Variants in GNPTAB observed in about 807,000 individuals in gnomAD.
GNPTAB encodes the protein N-acetylglucosamine-1-phosphate transferase subunits alpha and beta.
In GNPTAB, 92 loss-of-function variants were observed where a neutral mutation model predicts 136.6. The observed-to-expected ratio is 0.67, with a 90% CI of 0.57 to 0.80. GNPTAB has a LOEUF of 0.80. Ranked by LOEUF, GNPTAB falls within the 30% of genes least tolerant of loss-of-function variation. GNPTAB has a pLI of 0.00. For missense variants in GNPTAB, 1,343 were observed against 1,501.8 expected (o/e 0.89, Z 1.75); for synonymous variants, 512 against 535.1 (o/e 0.96, Z 0.60).
intron 9 of GNPTAB, 64 bp from the exon 10 acceptor site, chr12:101,770,255 T>TA: frequency 6.4e-7 from 1 of 1,560,152 alleles, no homozygotes; most frequent in Non-Finnish European, 8.8e-7. Flanking sequence ...GTTTAGTTTT[T>TA]GAAAGGAAGG....
In GNPTAB at chr12:101,764,788, C is replaced by A; in HGVS notation, c.2129G>T (p.Ser710Ile). The change falls in exon 13 of 21, where the codon AGT (serine) becomes ATT (isoleucine). Residue 710 changes from serine to isoleucine, a missense_variant. Coordinates refer to ENST00000299314, the MANE Select transcript of GNPTAB (RefSeq NM_024312.5). Reference protein sequence around the residue: ...ISLLPKDAQLSLNTLDLQLEH... With the variant: ...ISLLPKDAQLILNTLDLQLEH... Reference sequence around the variant, plus strand: ...CAGTTGCAAATCCAAGGTATTGAGACTCAACTGGGCGTCTTTTGGAAGGAG... The same window carrying A: ...CAGTTGCAAATCCAAGGTATTGAGAATCAACTGGGCGTCTTTTGGAAGGAG... 1 of 1,614,198 alleles carries A rather than the reference C, an allele frequency of 6.2e-7. No individual in the cohort carries two copies. The highest frequency in any genetic ancestry group is 8.5e-7 in the Non-Finnish European group (1 of 1,180,044).
chr12:101,793,323 T>A (rs1443262785), intron 2 of GNPTAB, among the ~76,000 whole-genome samples: 1 of 152,202 alleles, frequency 6.6e-6, no homozygotes, highest in African/African-American at 2.4e-5. Context: ...AAAAAACTGC[T>A]TCAGTGATGT....
intron 1 of GNPTAB, among the ~76,000 whole-genome samples, chr12:101,805,255 T>C (rs1869871301): frequency 6.6e-6 from 1 of 152,240 alleles, no homozygotes; most frequent in African/African-American, 2.4e-5. Flanking sequence ...TTGTGAAACT[T>C]AATGTATTTA....
rs553759502 is a variant in GNPTAB at position 101,781,452 on chromosome 12, G to A, written c.572-831C>T. Among the ~76,000 whole-genome samples, 9 of 152,234 alleles carry A rather than the reference G, an allele frequency of 5.9e-5. No individual in the cohort carries two copies. In the South Asian group the frequency reaches 1.9e-3, roughly 32 times the overall value. On this transcript the variant is annotated intron_variant, in intron 5 of 20. Coordinates refer to ENST00000299314, the MANE Select transcript of GNPTAB (RefSeq NM_024312.5). ...AGGCTGAGGCAGGAGTATCACTTGAGCCCAGAAGTTCTATATCAGCCTGGG... is the reference window on the plus strand; with the variant it reads ...AGGCTGAGGCAGGAGTATCACTTGAACCCAGAAGTTCTATATCAGCCTGGG...
chr12:101,753,179 G>A (rs1461141315), intron 19 of GNPTAB, among the ~76,000 whole-genome samples, 193 bp downstream of exon 19: 1 of 151,936 alleles, frequency 6.6e-6, no homozygotes. Flanking sequence ...ATTGTACCCA[G>A]GAGGCGGAGG....
chr12:101,825,659 C>CTCTG (rs756911461), intron 1 of GNPTAB, among the ~76,000 whole-genome samples: 3 of 150,716 alleles, frequency 2.0e-5, no homozygotes, highest in Non-Finnish European at 2.9e-5. Flanking sequence ...TTTAAAAAGG[C>CTCTG]TCTGTGTGGC....
At chr12:101,825,388 A>C (rs552461030) in intron 1 of GNPTAB, among the ~76,000 whole-genome samples, 1 of 152,234 alleles carries the variant, frequency 6.6e-6, no homozygotes, top group African/African-American at 2.4e-5. Context: ...ATCACATTTG[A>C]GAAATAAAAG....
chr12:101,766,080 A>G lies in GNPTAB; in HGVS notation c.1612+11T>C, dbSNP rs1953088282. The stretch of plus-strand genomic sequence containing the variant: ...ATGCTCCCATTCTTATTTGTTTGGC[A>G]GTAAACATACCTTGCCCACAGTCGC... On this transcript the variant is annotated intron_variant, in intron 12 of 20. Coordinates refer to ENST00000299314, the MANE Select transcript of GNPTAB (RefSeq NM_024312.5). The G allele has an allele frequency of 6.2e-7, 1 of 1,611,616 alleles. No individual in the cohort carries two copies. Among genetic ancestry groups the G allele is most frequent in the African/African-American group, 1.3e-5 (1 of 75,002 alleles).
chr12:101,769,340 T>C (rs1440007209), intron 10 of GNPTAB, among the ~76,000 whole-genome samples: 1 of 152,156 alleles, frequency 6.6e-6, no homozygotes, highest in African/African-American at 2.4e-5. Context: ...ATTACATCTA[T>C]AGCTTTAAGC....
At chr12:101,794,275 G>C (rs1208131387) in intron 2 of GNPTAB, among the ~76,000 whole-genome samples, 1 of 152,164 alleles carries the variant, frequency 6.6e-6, no homozygotes, top group African/African-American at 2.4e-5. Flanking sequence ...CTCACAATTA[G>C]TAGCAGTGAA....
In GNPTAB at chr12:101,800,225, C is replaced by T. The variant is rs933870976; in HGVS notation, c.118-3463G>A. On this transcript the variant is annotated intron_variant, in intron 1 of 20. Transcript: ENST00000299314. ...TTTGGCCAGGTGTGGTGGCTCACAC[C>T]TGTAGTCCTAGCACTTTGGGAGGAT... Among the ~76,000 whole-genome samples, 4 of 152,082 alleles carry T rather than the reference C, an allele frequency of 2.6e-5. No homozygotes were observed. In the South Asian group the frequency reaches 6.2e-4, roughly 24 times the overall value.
intron 15 of GNPTAB, 126 bp downstream of exon 15, chr12:101,761,001 G>A (rs898752112): frequency 1.9e-5 from 14 of 734,978 alleles, no homozygotes; most frequent in Admixed American, 1.4e-4. Context: ...GGTTGGTCTC[G>A]AACTCCTGAG....
Position 101,764,277 on chromosome 12 carries a change from C to A in GNPTAB, c.2640G>T (p.Lys880Asn), listed in dbSNP as rs1450391239. ...IGVTEVLLGR[K>N]LQHYTDSYLG... The stretch of plus-strand genomic sequence containing the variant: ...AGTAACTATCTGTGTAATGCTGCAG[C>A]TTTCTTCCAAGTAACACTTCAGTAA... The change falls in exon 13 of 21, where the codon AAG becomes AAT. Residue 880 changes from lysine to asparagine, a missense_variant. Physicochemically the swap from Lys to Asn is moderately conservative, Grantham distance 94. Transcript: ENST00000299314. The A allele has an allele frequency of 8.7e-6, 14 of 1,613,992 alleles. No individual in the cohort carries two copies. Among genetic ancestry groups the A allele is most frequent in the Non-Finnish European group, 1.1e-5 (13 of 1,179,954 alleles).
chr12:101,770,551 A>G lies in GNPTAB; in HGVS notation c.968T>C (p.Phe323Ser), dbSNP rs1953156003. The change falls in exon 9 of 21, where the codon TTT becomes TCT. Residue 323 changes from phenylalanine to serine, a missense_variant. Transcript: ENST00000299314. ...GTACCTCAGTTCTTCGTTATCTTCA[A>G]AACGACTGGCAGAGATGTCTTCATC... is the stretch of plus-strand genomic sequence containing the variant. ...KQDEDISASRFEDNEELRYSL... is the reference protein window; with the variant it reads ...KQDEDISASRSEDNEELRYSL... 6.2e-7 allele frequency: 1 copy of G among 1,613,870 alleles called. No individual in the cohort carries two copies.
rs1483125636 is a variant in GNPTAB, at chr12:101,745,733, C to G, written c.*1431G>C. The G allele has an allele frequency of 6.6e-6, 1 of 152,180 alleles. No homozygotes were observed. Among genetic ancestry groups the G allele is most frequent in the African/African-American group, 2.4e-5 (1 of 41,438 alleles). 9.4% of individuals were successfully genotyped at this position (152,180 alleles called of 1,614,324 possible). The stretch of plus-strand genomic sequence containing the variant: ...GGCTAGACGCCAAGGTTTAACCATA[C>G]ATAAAAATACTAATTCTCGGCTGGG... On this transcript the variant is annotated 3_prime_UTR_variant, in exon 21 of 21. Transcript: ENST00000299314.
Position 101,780,640 on chromosome 12 carries a change from T to G in GNPTAB, c.572-19A>C. On this transcript the variant is annotated intron_variant, in intron 5 of 20. Transcript: ENST00000299314. ...TCTTCAACTACAACCAAGAATACAATAAACAAGCACATTTTTAATGAATAC... is the reference window on the plus strand; with the variant it reads ...TCTTCAACTACAACCAAGAATACAAGAAACAAGCACATTTTTAATGAATAC... 2.6e-6 allele frequency: 4 copies of G among 1,532,496 alleles called. No homozygotes were observed. The highest frequency in any genetic ancestry group is 3.6e-6 in the Non-Finnish European group (4 of 1,105,878). 94.9% of individuals were successfully genotyped at this position (1,532,496 alleles called of 1,614,324 possible).
At chr12:101,753,213 A>G (rs1952846263) in intron 19 of GNPTAB, among the ~76,000 whole-genome samples, 159 bp downstream of exon 19, 1 of 151,952 alleles carries the variant, frequency 6.6e-6, no homozygotes, top group Non-Finnish European at 1.5e-5. Flanking sequence ...AGGTTGCGCC[A>G]TTGCACTCCA....
chr12:101,810,958 A>G (rs867901373), intron 1 of GNPTAB, among the ~76,000 whole-genome samples: 13 of 152,294 alleles, frequency 8.5e-5, no homozygotes, highest in Middle Eastern at 6.8e-3. Context: ...TCAAAGAACA[A>G]AAAGACGGTG....
At chr12:101,762,241 C>G (rs1566072265) in intron 13 of GNPTAB, among the ~76,000 whole-genome samples, 2 of 152,232 alleles carry the variant, frequency 1.3e-5, no homozygotes, top group Non-Finnish European at 2.9e-5. Context: ...AAAATCAAAA[C>G]CAGTCAGTGG....
Sources: allele counts gnomAD v4.1 joint callset (sites outside exome capture counted in the v4.1 genomes callset), GRCh38; gene constraint gnomAD v4.1.1; transcripts MANE v1.5; gene names NCBI Gene and HGNC (gene_info 2026-07-23, HGNC 2026-07-21).